The following GREM2 variants were observed in gnomAD, a reference collection of about 807,000 sequenced individuals.
The protein encoded by GREM2 is gremlin 2, DAN family BMP antagonist.
GREM2 carries 11 observed loss-of-function variants against 14.2 expected under a neutral mutation model. That is an observed-to-expected ratio of 0.78 (90% CI 0.49 to 1.28). The LOEUF is 1.28. GREM2 is among the 50% of genes most tolerant of loss of function. The probability of loss-of-function intolerance (pLI) is 0.00; values close to 1 mark genes in which losing one functional copy is unlikely to be tolerated. For synonymous variants in GREM2, 98 were observed against 97.6 expected, an observed-to-expected ratio of 1.00 and a Z score of -0.02; for missense variants, 210 against 218.5, an observed-to-expected ratio of 0.96 and a Z score of 0.24.
chr1:240,547,524 T>G (rs1490862686), intron 1 of GREM2, among the ~76,000 whole-genome samples: 57 of 119,730 alleles, frequency 4.8e-4, no homozygotes, highest in Middle Eastern at 3.8e-3. Flanking sequence ...AATATATATA[T>G]ATATATATAT....
At chr1:240,533,393 C>T (rs756202071) in intron 1 of GREM2, among the ~76,000 whole-genome samples, 23 of 152,186 alleles carry the variant, frequency 1.5e-4, no homozygotes, top group Non-Finnish European at 3.1e-4. Flanking sequence ...GCACACAAGG[C>T]ATGATAAATA....
chr1:240,582,447 A>AC (rs1679504065), intron 1 of GREM2, among the ~76,000 whole-genome samples: 23 of 151,892 alleles, frequency 1.5e-4, no homozygotes, highest in African/African-American at 5.1e-4. Context: ...CACACACACA[A>AC]AAAAAGAGTT....
At chr1:240,513,575 CAA>C (rs5782148) in intron 1 of GREM2, among the ~76,000 whole-genome samples, 46,405 of 110,598 alleles carry the variant, frequency 0.42, 7,052 homozygotes, top group East Asian at 0.65. Flanking sequence ...ACTCCATCTA[CAA>C]AAAAAAAAAA....
chr1:240,528,687 C>T (rs1045905651), intron 1 of GREM2, among the ~76,000 whole-genome samples: 1 of 152,126 alleles, frequency 6.6e-6, no homozygotes, highest in African/African-American at 2.4e-5. Flanking sequence ...TGTTTCTCAC[C>T]GGCCCCTCCA....
intron 1 of GREM2, among the ~76,000 whole-genome samples, chr1:240,545,847 C>A (rs888167453): frequency 6.6e-6 from 1 of 152,108 alleles, no homozygotes; most frequent in African/African-American, 2.4e-5. Flanking sequence ...GATTCTATAT[C>A]CCTTTGGTGC....
chr1:240,586,794 T>C (rs1679607236), intron 1 of GREM2, among the ~76,000 whole-genome samples: 1 of 152,334 alleles, frequency 6.6e-6, no homozygotes, highest in Middle Eastern at 3.4e-3. Flanking sequence ...TTCAGTTTTT[T>C]ACCCAACCTC....
chr1:240,556,564 A>G (rs1004795219), intron 1 of GREM2, among the ~76,000 whole-genome samples: 8 of 152,200 alleles, frequency 5.3e-5, no homozygotes, highest in Admixed American at 5.2e-4. Context: ...AGCTAACCAA[A>G]AGGCAAAACA....
Position 240,490,506 on chromosome 1 carries a change from ATTATCT to A in GREM2, c.*2457_*2462del, listed in dbSNP as rs1481076067. On this transcript the variant is annotated 3_prime_UTR_variant, in exon 2 of 2. Transcript: ENST00000318160. ...ACACCGGGATCACATATAATCCTAG[ATTATCT>A]TTATTTGTTCTATAATTTAATAGTA... 6.6e-6 allele frequency: 1 copy of A among 152,646 alleles called. No homozygotes were observed. Among genetic ancestry groups the A allele is most frequent in the Non-Finnish European group, 1.5e-5 (1 of 68,040 alleles). The allele number at this position is 152,646 out of a possible 1,614,324, so 9.5% of individuals were successfully genotyped here.
At position 240,534,212 on chromosome 1, in the gene GREM2, C is replaced by A. The variant is rs565405313; in HGVS notation, c.-1-40736G>T. Reference sequence around the variant, plus strand: ...ATCTCAGGGAGGAGGACAGCATGAGCAAAAAAATAGAGCATACAAAATGTG... The same window carrying A: ...ATCTCAGGGAGGAGGACAGCATGAGAAAAAAAATAGAGCATACAAAATGTG... On this transcript the variant is annotated intron_variant, in intron 1 of 1. Coordinates refer to ENST00000318160, the MANE Select transcript of GREM2 (RefSeq NM_022469.4). Among the ~76,000 whole-genome samples, 7 of 151,522 alleles carry A rather than the reference C, an allele frequency of 4.6e-5. No individual in the cohort carries two copies. In the South Asian group the frequency reaches 1.3e-3, roughly 27 times the overall value.
intron 1 of GREM2, among the ~76,000 whole-genome samples, chr1:240,521,293 G>A (rs1219674829): frequency 6.6e-6 from 1 of 152,156 alleles, no homozygotes; most frequent in Non-Finnish European, 1.5e-5. Context: ...GGAGGGGTGG[G>A]CGCGGTGGCT....
chr1:240,607,714 T>C (rs1043046735), intron 1 of GREM2, among the ~76,000 whole-genome samples: 2 of 152,250 alleles, frequency 1.3e-5, no homozygotes, highest in Non-Finnish European at 2.9e-5. Context: ...GTCTATTAGA[T>C]GGATGATAAA....
intron 1 of GREM2, among the ~76,000 whole-genome samples, chr1:240,515,954 A>C (rs957974676): frequency 1.3e-5 from 2 of 152,076 alleles, no homozygotes; most frequent in Non-Finnish European, 2.9e-5. Context: ...CTGGCTCCTA[A>C]AGGTTTCTAG....
chr1:240,553,288 G>A lies in GREM2; in HGVS notation c.-2+58596C>T, dbSNP rs141591141. ...ACAAGGGGAAGCTAGTCTGAGTGTG[G>A]AAAGCTAAGCTATTCTCTGATTCTC... On this transcript the variant is annotated intron_variant, in intron 1 of 1. Transcript: ENST00000318160. 5.0e-3 allele frequency among the ~76,000 whole-genome samples: 764 copies of A among 152,302 alleles called. 12 individuals are homozygous for A. The highest frequency in any genetic ancestry group is 0.031 in the Admixed American group (468 of 15,296).
At chr1:240,601,851 G>A (rs751418501) in intron 1 of GREM2, among the ~76,000 whole-genome samples, 2 of 149,520 alleles carry the variant, frequency 1.3e-5, no homozygotes, top group South Asian at 2.1e-4. Context: ...AGGTTGCAGC[G>A]AGCCAAGGCC....
intron 1 of GREM2, among the ~76,000 whole-genome samples, chr1:240,520,774 C>T (rs1678066790): frequency 6.6e-6 from 1 of 152,002 alleles, no homozygotes; most frequent in African/African-American, 2.4e-5. Flanking sequence ...AACTCCAGAC[C>T]TCAAGTGATC....
chr1:240,590,252 T>G (rs1679680604), intron 1 of GREM2, among the ~76,000 whole-genome samples: 1 of 152,178 alleles, frequency 6.6e-6, no homozygotes, highest in Non-Finnish European at 1.5e-5. Flanking sequence ...ACATCAGAGC[T>G]CTTTACCTTG....
intron 1 of GREM2, among the ~76,000 whole-genome samples, chr1:240,584,372 G>A (rs1679548056): frequency 6.6e-6 from 1 of 151,798 alleles, no homozygotes; most frequent in South Asian, 2.1e-4. Context: ...GTGGGTGCCT[G>A]TAATCCCAGC....
chr1:240,500,113 A>T (rs913966389), intron 1 of GREM2, among the ~76,000 whole-genome samples: 4 of 152,186 alleles, frequency 2.6e-5, no homozygotes, highest in African/African-American at 9.7e-5. Context: ...AACAATACTG[A>T]CATTTCCCAT....
intron 1 of GREM2, among the ~76,000 whole-genome samples, chr1:240,545,100 A>G (rs775657492): frequency 2.0e-5 from 3 of 152,210 alleles, no homozygotes; most frequent in Non-Finnish European, 4.4e-5. Flanking sequence ...AGATAGCTTC[A>G]GGATGGTGGC....
Sources: allele counts gnomAD v4.1 joint callset (sites outside exome capture counted in the v4.1 genomes callset), GRCh38; gene constraint gnomAD v4.1.1; transcripts MANE v1.5; gene names NCBI Gene and HGNC (gene_info 2026-07-23, HGNC 2026-07-21).